The following SLC35A5 variants were observed in gnomAD, a reference collection of about 807,000 sequenced individuals.
SLC35A5 encodes the protein UDP-sugar transporter protein SLC35A5.
In SLC35A5, 28 loss-of-function variants were observed where a neutral mutation model predicts 36.3. The observed-to-expected ratio is 0.77, with a 90% CI of 0.57 to 1.06. SLC35A5 has a LOEUF of 1.06. Ranked by LOEUF, SLC35A5 falls within the 50% of genes least tolerant of loss-of-function variation. The pLI is 0.00. For missense variants in SLC35A5, 521 were observed against 499.3 expected (o/e 1.04, Z -0.41); for synonymous variants, 180 against 173.7 (o/e 1.04, Z -0.29).
chr3:112,563,650 T>A, intron 2 of SLC35A5, 117 bp downstream of exon 2: 1 of 1,064,216 alleles, frequency 9.4e-7, no homozygotes, highest in Non-Finnish European at 1.2e-6. Flanking sequence ...TTCATGTGAG[T>A]GATAAAGCAT....
chr3:112,563,334 C>A, intron 1 of SLC35A5, 51 bp from the exon 2 acceptor site: 1 of 1,383,494 alleles, frequency 7.2e-7, no homozygotes, highest in Non-Finnish European at 9.5e-7. Context: ...ATGGTATTTG[C>A]GTTTAGGGTC....
intron 4 of SLC35A5, among the ~76,000 whole-genome samples, chr3:112,571,923 G>GTTT (rs58561218): frequency 8.7e-4 from 47 of 53,854 alleles, no homozygotes; most frequent in East Asian, 5.6e-3. Context: ...ACTTTCCACA[G>GTTT]TTTTTTTTTT....
At chr3:112,579,510 C>G (rs928067794) in intron 5 of SLC35A5, among the ~76,000 whole-genome samples, 5 of 151,990 alleles carry the variant, frequency 3.3e-5, no homozygotes, top group African/African-American at 4.8e-5. Context: ...GTGAGATATT[C>G]CTCTTTGTCA....
intron 2 of SLC35A5, among the ~76,000 whole-genome samples, chr3:112,566,780 A>G (rs895809191): frequency 6.6e-6 from 1 of 152,226 alleles, no homozygotes. Flanking sequence ...AAAGTGAGTA[A>G]AGGGCAGATA....
intron 3 of SLC35A5, 162 bp from the exon 4 acceptor site, chr3:112,570,378 T>A: frequency 3.1e-6 from 2 of 641,398 alleles, no homozygotes; most frequent in Non-Finnish European, 5.0e-6. Flanking sequence ...TGTTGCTGAT[T>A]GTCAGTGATG....
At chr3:112,563,019 C>G (rs2705564) in intron 1 of SLC35A5, among the ~76,000 whole-genome samples, 24,070 of 152,112 alleles carry the variant, frequency 0.16, 4,454 homozygotes, top group African/African-American at 0.44. Flanking sequence ...AAGACCGCGC[C>G]GTTGCACTCC....
chr3:112,561,793 G>A (rs887068062), upstream of SLC35A5: 4 of 474,572 alleles, frequency 8.4e-6, no homozygotes, highest in Admixed American at 4.3e-5. Flanking sequence ...AGCCGCGAGG[G>A]AGGGCAGCGG....
At position 112,581,198 on chromosome 3, in the gene SLC35A5, T is replaced by C. The variant is rs781202092; in HGVS notation, c.1081T>C (p.Leu361=). 1 of 1,613,988 alleles carries C rather than the reference T, an allele frequency of 6.2e-7. No individual in the cohort carries two copies. The highest frequency in any genetic ancestry group is 1.7e-5 in the Admixed American group (1 of 59,990). The change falls in exon 6 of 7, where the codon TTG becomes CTG. Residue 361 remains leucine (L), a synonymous_variant. Transcript: ENST00000492406. ...FDFRPSLEFF[L]EAPSVLLSIF... is the part of the protein sequence containing the mutation. Reference sequence around the variant, plus strand: ...CTTCAGGCCCTCCCTGGAATTTTTCTTGGAAGCCCCATCAGTCCTTCTCTC... The same window carrying C: ...CTTCAGGCCCTCCCTGGAATTTTTCCTGGAAGCCCCATCAGTCCTTCTCTC...
chr3:112,569,310 AC>A, intron 3 of SLC35A5, 41 bp downstream of exon 3: 1 of 1,497,596 alleles, frequency 6.7e-7, no homozygotes, highest in Admixed American at 1.8e-5. Flanking sequence ...TAATCATAGG[AC>A]CAAAAAATGT....
chr3:112,561,472 C>T (rs1159369693), upstream of SLC35A5: 5 of 1,613,556 alleles, frequency 3.1e-6, no homozygotes, highest in Non-Finnish European at 3.4e-6. Context: ...GGACCGGGGT[C>T]AGGTACTCAG....
chr3:112,563,896 T>TA (rs1296975917), intron 2 of SLC35A5, among the ~76,000 whole-genome samples: 3 of 152,258 alleles, frequency 2.0e-5, no homozygotes, highest in Non-Finnish European at 2.9e-5. Flanking sequence ...GTGAGGTACT[T>TA]ACTATTGTAA....
intron 3 of SLC35A5, among the ~76,000 whole-genome samples, chr3:112,570,210 A>ATTT (rs59841833): frequency 0.063 from 9,322 of 148,136 alleles, 366 homozygotes; most frequent in Admixed American, 0.12. Flanking sequence ...TGAAGCCTTG[A>ATTT]TTTTTTTTTT....
intron 2 of SLC35A5, among the ~76,000 whole-genome samples, chr3:112,568,823 G>T (rs1934309792): frequency 6.6e-6 from 1 of 152,210 alleles, no homozygotes; most frequent in Non-Finnish European, 1.5e-5. Context: ...CATAGCTGTT[G>T]CATGAGTCGG....
Position 112,580,932 on chromosome 3 carries a change from A to C in SLC35A5, c.815A>C (p.Tyr272Ser). The C allele has an allele frequency of 6.2e-7, 1 of 1,614,130 alleles. No homozygotes were observed. Among genetic ancestry groups the C allele is most frequent in the Non-Finnish European group, 8.5e-7 (1 of 1,179,986 alleles). ...ESIFIQNSKLYFFGILFNGLT... is the reference protein window; with the variant it reads ...ESIFIQNSKLSFFGILFNGLT... ...ATCTTCATACAGAACAGCAAACTCT[A>C]TTTCTTTGGCATTCTGTTTAATGGG... The change falls in exon 6 of 7, where the codon TAT becomes TCT. Residue 272 changes from tyrosine to serine, a missense_variant. Coordinates refer to ENST00000492406, the MANE Select transcript of SLC35A5 (RefSeq NM_017945.5).
At position 112,581,119 on chromosome 3, in the gene SLC35A5, G is replaced by A; in HGVS notation, c.1002G>A (p.Leu334=). The A allele has an allele frequency of 6.2e-7, 1 of 1,613,964 alleles. No individual in the cohort carries two copies. The highest frequency in any genetic ancestry group is 2.2e-5 in the East Asian group (1 of 44,882). ...TCCTGGATAACATGTTCCATGTCTT[G>A]ATGGCCCAGGTTACCACTGTCATTA... ...LKFLDNMFHV[L]MAQVTTVIIT... Residue 334 remains leucine (L), a synonymous_variant, in exon 6 of 7, where the codon TTG becomes TTA. Coordinates refer to ENST00000492406, the MANE Select transcript of SLC35A5 (RefSeq NM_017945.5).
chr3:112,582,274 C>G (rs1263787278), intron 6 of SLC35A5, among the ~76,000 whole-genome samples: 1 of 152,126 alleles, frequency 6.6e-6, no homozygotes, highest in South Asian at 2.1e-4. Flanking sequence ...ATACCCTGCT[C>G]TTAGCCAGAG....
At chr3:112,575,273 G>A (rs2638039) in intron 5 of SLC35A5, among the ~76,000 whole-genome samples, 23,901 of 152,012 alleles carry the variant, frequency 0.16, 4,392 homozygotes, top group African/African-American at 0.44. Context: ...CTTTAAATGA[G>A]TACAGATGGT....
chr3:112,569,768 A>G (rs1034378205), intron 3 of SLC35A5, among the ~76,000 whole-genome samples: 3 of 152,098 alleles, frequency 2.0e-5, no homozygotes. Flanking sequence ...ATAGCCTTCC[A>G]TGGAATGTAT....
chr3:112,567,997 G>A (rs62262457), intron 2 of SLC35A5, among the ~76,000 whole-genome samples: 5,060 of 152,220 alleles, frequency 0.033, 108 homozygotes, highest in Middle Eastern at 0.051. Context: ...TGAATGATGG[G>A]GTAAAGTTGA....
Sources: gnomAD v4.1 joint callset for allele counts (sites outside exome capture counted in the v4.1 genomes callset) on GRCh38, gnomAD v4.1.1 for gene constraint, MANE v1.5 for transcripts, NCBI Gene and HGNC (gene_info 2026-07-23, HGNC 2026-07-21) for gene names.